Variants in SMYD3 observed in about 807,000 individuals in gnomAD.
The protein encoded by SMYD3 is SET and MYND domain containing 3, also known as histone-lysine N-methyltransferase SMYD3.
Under a neutral mutation model 57.7 loss-of-function variants are expected in SMYD3, and 36 were observed. The observed-to-expected ratio is 0.62, with a 90% CI of 0.48 to 0.82. The LOEUF (loss-of-function observed/expected upper bound fraction) is 0.82. Among genes scored for constraint, SMYD3 ranks in the 40% least tolerant of loss-of-function variants. The pLI is 0.00. For missense variants in SMYD3, 515 were observed against 538.8 expected (o/e 0.96, Z 0.44); for synonymous variants, 211 against 195.0 (o/e 1.08, Z -0.68).
intron 5 of SMYD3, among the ~76,000 whole-genome samples, chr1:246,260,837 G>T (rs1024703113): frequency 1.3e-5 from 2 of 152,148 alleles, no homozygotes; most frequent in Non-Finnish European, 2.9e-5. Context: ...CCATCTTAGA[G>T]AAACAATCTG....
chr1:245,986,623 G>A (rs1231396592), intron 5 of SMYD3, among the ~76,000 whole-genome samples: 1 of 152,156 alleles, frequency 6.6e-6, no homozygotes, highest in Non-Finnish European at 1.5e-5. Flanking sequence ...GGTCTTCAGT[G>A]ACGGTTTTAC....
intron 2 of SMYD3, among the ~76,000 whole-genome samples, chr1:246,336,669 G>A (rs527267729): frequency 5.3e-5 from 8 of 152,200 alleles, no homozygotes; most frequent in African/African-American, 1.4e-4. Context: ...AGCAAATAAC[G>A]AAGCACGTTT....
chr1:246,186,630 G>A (rs2062645137), intron 5 of SMYD3: 1 of 469,352 alleles, frequency 2.1e-6, no homozygotes, highest in Non-Finnish European at 2.8e-6. Context: ...AAAGACCCAA[G>A]TTCATTTCAT....
intron 1 of SMYD3, among the ~76,000 whole-genome samples, chr1:246,460,057 A>T (rs1007792209): frequency 1.7e-4 from 26 of 151,988 alleles, no homozygotes; most frequent in African/African-American, 6.0e-4. Context: ...CCTACGCTTG[A>T]TTTCTGTGAG....
intron 7 of SMYD3, among the ~76,000 whole-genome samples, chr1:245,926,817 T>C (rs1347811000): frequency 6.6e-6 from 1 of 152,180 alleles, no homozygotes; most frequent in Admixed American, 6.5e-5. Flanking sequence ...TGAAAATAGA[T>C]AGCGGTTTCA....
chr1:246,105,181 A>G (rs544574936), intron 5 of SMYD3, among the ~76,000 whole-genome samples: 1 of 152,310 alleles, frequency 6.6e-6, no homozygotes, highest in Non-Finnish European at 1.5e-5. Context: ...GACTGATCAG[A>G]TATGAAGGAC....
At chr1:246,295,087 G>C (rs1021034316) in intron 5 of SMYD3, among the ~76,000 whole-genome samples, 4 of 151,972 alleles carry the variant, frequency 2.6e-5, no homozygotes, top group Non-Finnish European at 5.9e-5. Context: ...GTTAAAACAA[G>C]CTTATAAGAC....
chr1:245,881,517 G>A (rs113213756), intron 8 of SMYD3, among the ~76,000 whole-genome samples: 198 of 152,198 alleles, frequency 1.3e-3, no homozygotes, highest in Middle Eastern at 3.4e-3. Flanking sequence ...ATGTCCTATA[G>A]AGCTTAACTC....
chr1:245,939,097 C>A (rs934689203), intron 5 of SMYD3, among the ~76,000 whole-genome samples: 1 of 151,504 alleles, frequency 6.6e-6, no homozygotes. Context: ...GAGCCAAGAT[C>A]ACACCACTGC....
chr1:246,328,694 TTTA>T (rs1005765244), intron 4 of SMYD3, among the ~76,000 whole-genome samples: 9 of 151,624 alleles, frequency 5.9e-5, no homozygotes, highest in Non-Finnish European at 1.0e-4. Context: ...TATTTTTTCT[TTTA>T]TTATTATTAT....
intron 5 of SMYD3, among the ~76,000 whole-genome samples, chr1:246,037,795 A>G (rs2059801979): frequency 6.6e-6 from 1 of 152,228 alleles, no homozygotes; most frequent in African/African-American, 2.4e-5. Flanking sequence ...CTGAGACACT[A>G]ACAAACATAT....
chr1:246,345,007 G>T (rs1280460103), intron 2 of SMYD3, among the ~76,000 whole-genome samples: 1 of 152,174 alleles, frequency 6.6e-6, no homozygotes, highest in Non-Finnish European at 1.5e-5. Context: ...GAAACAGGGG[G>T]AAAGAGAGGT....
intron 10 of SMYD3, among the ~76,000 whole-genome samples, chr1:245,855,489 T>C (rs2051193830): frequency 6.6e-6 from 1 of 152,186 alleles, no homozygotes; most frequent in Non-Finnish European, 1.5e-5. Context: ...AGTTAAACTT[T>C]TAAATAAAAT....
intron 1 of SMYD3, among the ~76,000 whole-genome samples, chr1:246,407,321 T>G (rs1450924831): frequency 6.6e-6 from 1 of 152,230 alleles, no homozygotes; most frequent in African/African-American, 2.4e-5. Context: ...TACTTTTGTC[T>G]TCAAAACCTT....
intron 1 of SMYD3, among the ~76,000 whole-genome samples, chr1:246,439,008 C>T (rs371386148): frequency 6.6e-5 from 10 of 150,690 alleles, no homozygotes; most frequent in South Asian, 2.1e-4. Flanking sequence ...TACCGGTCCT[C>T]GGCCCGGGCT....
chr1:246,317,848 TC>T lies in SMYD3; in HGVS notation c.531+9352del, dbSNP rs2065190553. Among the ~76,000 whole-genome samples, 3 of 151,918 alleles carry T rather than the reference TC, an allele frequency of 2.0e-5. No homozygotes were observed. The East Asian group carries it at 5.8e-4, about 29-fold the overall frequency. On this transcript the variant is annotated intron_variant, in intron 5 of 11. Transcript: ENST00000490107. ...CAAATTGTCATGAGGCAGTTGTGAC[TC>T]ACTTTTGTCTCCTGCCTGGAAAGCC...
chr1:245,760,181 G>A (rs2045785222), intron 11 of SMYD3, among the ~76,000 whole-genome samples: 1 of 152,182 alleles, frequency 6.6e-6, no homozygotes, highest in Non-Finnish European at 1.5e-5. Context: ...AACTGAATCT[G>A]TAATAAATTT....
chr1:246,466,438 A>ATTTC (rs1451343865), intron 1 of SMYD3, among the ~76,000 whole-genome samples: 1 of 152,208 alleles, frequency 6.6e-6, no homozygotes, highest in Non-Finnish European at 1.5e-5. Context: ...AGAAAACCAA[A>ATTTC]TACTGCAGGT....
intron 5 of SMYD3, among the ~76,000 whole-genome samples, chr1:246,059,471 G>T (rs546436501): frequency 2.6e-5 from 4 of 152,040 alleles, no homozygotes; most frequent in Non-Finnish European, 5.9e-5. Flanking sequence ...TGTCTCTCTC[G>T]ACTCCACTGG....
Sources: allele counts gnomAD v4.1 joint callset (sites outside exome capture counted in the v4.1 genomes callset), GRCh38; gene constraint gnomAD v4.1.1; transcripts MANE v1.5; gene names NCBI Gene and HGNC (gene_info 2026-07-23, HGNC 2026-07-21).